KCNQ2: variants seen among roughly 807,000 people sequenced by gnomAD.
KCNQ2 encodes the protein potassium voltage-gated channel subfamily Q member 2, also known as potassium voltage-gated channel subfamily KQT member 2.
A neutral mutation model predicts 84.8 loss-of-function variants in KCNQ2; 14 were observed. That is an observed-to-expected ratio of 0.17 (90% CI 0.11 to 0.26). The LOEUF (loss-of-function observed/expected upper bound fraction) is 0.26. KCNQ2 is among the 10% of genes least tolerant of loss of function. The pLI, the probability that KCNQ2 is intolerant of heterozygous loss-of-function variation, is 1.00. For synonymous variants in KCNQ2, 599 were observed against 554.1 expected (o/e 1.08, Z -1.14); for missense variants, 788 against 1,254.0 (o/e 0.63, Z 5.61).
intron 7 of KCNQ2, chr20:63,437,231 C>T (rs1200969812): frequency 6.6e-6 from 1 of 152,196 alleles, no homozygotes; most frequent in Non-Finnish European, 1.5e-5. Flanking sequence ...AAATGTGCAC[C>T]AGCTGCTAAG....
At chr20:63,428,807 G>A (rs1462654541) in intron 9 of KCNQ2, among the ~76,000 whole-genome samples, 1 of 152,160 alleles carries the variant, frequency 6.6e-6, no homozygotes, top group African/African-American at 2.4e-5. Context: ...ACATCCTAGA[G>A]GGACAGCACG....
chr20:63,432,080 C>CT (rs2080816467), intron 8 of KCNQ2, among the ~76,000 whole-genome samples: 2 of 148,758 alleles, frequency 1.3e-5, no homozygotes, highest in Admixed American at 6.7e-5. Context: ...ACAGGGAAGG[C>CT]CCCACCCACA....
chr20:63,445,812 A>G (rs1274166988), intron 2 of KCNQ2, among the ~76,000 whole-genome samples: 3 of 139,292 alleles, frequency 2.2e-5, no homozygotes, highest in Admixed American at 7.1e-5. Context: ...GCCCTGTCTG[A>G]GCTGGGGGAC....
rs1568879098 is a variant in KCNQ2, at chr20:63,414,807, A to G, written c.1525+96T>C. ...GGGGGTTCCCACTCCAAGAGCAAGC[A>G]AAAGCAGCTGCGACGCCACAGGGTG... On this transcript the variant is annotated intron_variant, in intron 13 of 16. Coordinates refer to ENST00000359125, the MANE Select transcript of KCNQ2 (RefSeq NM_172107.4). This position sits in a 1 kb window ranked among gnomAD's most constrained non-coding sequence, Gnocchi z 6.6. 3 of 1,233,140 alleles carry G rather than the reference A, an allele frequency of 2.4e-6. No homozygotes were observed. The highest frequency in any genetic ancestry group is 1.7e-5 in the Admixed American group (1 of 59,334). The allele number at this position is 1,233,140 out of a possible 1,614,324, so 76.4% of individuals were successfully genotyped here.
At chr20:63,452,469 G>A (rs1044018644) in intron 1 of KCNQ2, among the ~76,000 whole-genome samples, 2 of 152,244 alleles carry the variant, frequency 1.3e-5, no homozygotes, top group Non-Finnish European at 2.9e-5. Context: ...AGCTTCACTT[G>A]AAGTCCGCTG....
intron 5 of KCNQ2, among the ~76,000 whole-genome samples, chr20:63,440,389 T>A (rs1191358073): frequency 1.3e-5 from 2 of 152,130 alleles, no homozygotes; most frequent in African/African-American, 4.8e-5. Flanking sequence ...AAGAGATGCC[T>A]GTGCCGGGGC....
chr20:63,439,958 G>A (rs774936336), intron 5 of KCNQ2, among the ~76,000 whole-genome samples: 5 of 152,242 alleles, frequency 3.3e-5, no homozygotes, highest in African/African-American at 4.8e-5. Context: ...CTCACATCGA[G>A]AACCAGAGGC....
At chr20:63,432,829 G>C (rs1183703549) in intron 8 of KCNQ2, among the ~76,000 whole-genome samples, 16 of 134,468 alleles carry the variant, frequency 1.2e-4, no homozygotes, top group Admixed American at 1.1e-3. Flanking sequence ...TCCACCCTCT[G>C]GGAAGGCCCC....
chr20:63,442,884 C>T (rs899666247), intron 4 of KCNQ2, among the ~76,000 whole-genome samples: 7 of 6,026 alleles, frequency 1.2e-3, no homozygotes, highest in East Asian at 4.5e-3. Context: ...ATTATCACCA[C>T]CACCATCACC....
At chr20:63,447,158 T>C (rs1722737865) in intron 1 of KCNQ2, among the ~76,000 whole-genome samples, 1 of 151,688 alleles carries the variant, frequency 6.6e-6, no homozygotes, top group Admixed American at 6.6e-5. Context: ...GGCAGCCTCA[T>C]CCTTTGGCAA....
intron 9 of KCNQ2, among the ~76,000 whole-genome samples, chr20:63,430,370 C>T (rs1458726150): frequency 6.6e-6 from 1 of 152,164 alleles, no homozygotes; most frequent in African/African-American, 2.4e-5. Context: ...CAGAGGAGCC[C>T]TGGACCCACC....
At chr20:63,456,937 C>T (rs1443130795) in intron 1 of KCNQ2, among the ~76,000 whole-genome samples, 2 of 152,134 alleles carry the variant, frequency 1.3e-5, no homozygotes, top group Non-Finnish European at 2.9e-5. Flanking sequence ...AGCGTGAGGC[C>T]GGAGTGGGCA....
At position 63,438,531 on chromosome 20, in the gene KCNQ2, C is replaced by T. The variant is rs561721319; in HGVS notation, c.1023+94G>A. The T allele has an allele frequency of 2.0e-6, 2 of 1,015,414 alleles. No individual in the cohort carries two copies. Among genetic ancestry groups the T allele is most frequent in the Non-Finnish European group, 3.1e-6 (2 of 642,722 alleles). The allele number at this position is 1,015,414 out of a possible 1,614,324, so 62.9% of individuals were successfully genotyped here. On this transcript the variant is annotated intron_variant, in intron 7 of 16. Transcript: ENST00000359125. This position sits in a 1 kb window ranked among gnomAD's most constrained non-coding sequence, Gnocchi z 5.1. ...GTGAGCGCTGTGGCCCATCCACAGA[C>T]AGGGCAATGCCAAAGCCCCAGCGGC...
intron 10 of KCNQ2, among the ~76,000 whole-genome samples, chr20:63,424,825 G>C (rs1244304169): frequency 6.6e-6 from 1 of 152,254 alleles, no homozygotes; most frequent in African/African-American, 2.4e-5. Flanking sequence ...TTGAGTGAGA[G>C]ATCGGCGGAT....
At position 63,472,167 on chromosome 20, in the gene KCNQ2, C is replaced by A; in HGVS notation, c.296+1G>T. 1 of 1,519,500 alleles carries A rather than the reference C, an allele frequency of 6.6e-7. No individual in the cohort carries two copies. Among genetic ancestry groups the A allele is most frequent in the Non-Finnish European group, 8.8e-7 (1 of 1,133,946 alleles). The allele number at this position is 1,519,500 out of a possible 1,614,324, so 94.1% of individuals were successfully genotyped here. A position where few individuals can be genotyped will look rare whatever the true frequency, so the allele number is the denominator to read the frequency against. On this transcript the variant is annotated splice_donor_variant, in intron 1 of 16. Coordinates refer to ENST00000359125, the MANE Select transcript of KCNQ2 (RefSeq NM_172107.4). LOFTEE classifies it high-confidence loss of function. ...CCACGGGGGCCCCGCCGGCCACTCA[C>A]ACGTAGGCGTGGTAGATGAACGCCC... is the stretch of plus-strand genomic sequence containing the variant.
At chr20:63,419,518 G>A (rs1043192167) in intron 12 of KCNQ2, 101 bp downstream of exon 12, 28 of 1,246,348 alleles carry the variant, frequency 2.2e-5, no homozygotes, top group Non-Finnish European at 3.1e-5. Context: ...TTGGGGTTGG[G>A]GCGCCAGCCT....
intron 1 of KCNQ2, among the ~76,000 whole-genome samples, chr20:63,467,111 C>G (rs2082101579): frequency 6.6e-6 from 1 of 152,208 alleles, no homozygotes; most frequent in South Asian, 2.1e-4. Flanking sequence ...CAGGACACGG[C>G]CTGGCCGCTG....
chr20:63,414,839 G>A lies in KCNQ2; in HGVS notation c.1525+64C>T, dbSNP rs2080234031. The A allele has an allele frequency of 2.0e-6, 3 of 1,492,988 alleles. No homozygotes were observed. Among genetic ancestry groups the A allele is most frequent in the Non-Finnish European group, 2.8e-6 (3 of 1,073,374 alleles). The allele number at this position is 1,492,988 out of a possible 1,614,324, so 92.5% of individuals were successfully genotyped here. Reference sequence around the variant, plus strand: ...GCTGCGACGCCACAGGGTGGCCACAGTAGCGTGGCCACCACATCCATCCCC... The same window carrying A: ...GCTGCGACGCCACAGGGTGGCCACAATAGCGTGGCCACCACATCCATCCCC... On this transcript the variant is annotated intron_variant, in intron 13 of 16. Transcript: ENST00000359125. This position sits in a 1 kb window ranked among gnomAD's most constrained non-coding sequence, Gnocchi z 6.6.
intron 12 of KCNQ2, among the ~76,000 whole-genome samples, chr20:63,415,875 C>T (rs561144508): frequency 1.1e-4 from 17 of 152,272 alleles, no homozygotes; most frequent in East Asian, 1.9e-4. Flanking sequence ...TCCCCTCCCA[C>T]GGCCTGTCCC....
Sources: gnomAD v4.1 joint callset for allele counts (sites outside exome capture counted in the v4.1 genomes callset) on GRCh38, gnomAD v4.1.1 for gene constraint, Gnocchi (gnomAD v3.1) non-coding constraint, MANE v1.5 for transcripts, NCBI Gene and HGNC (gene_info 2026-07-23, HGNC 2026-07-21) for gene names.